PARD3B: variants seen among roughly 807,000 people sequenced by gnomAD.
PARD3B encodes par-3 family cell polarity regulator beta, also known as partitioning defective 3 homolog B.
In PARD3B, 103 loss-of-function variants were observed where a neutral mutation model predicts 130.2. The ratio of observed to expected loss-of-function variants is 0.79; its 90% CI spans 0.67 to 0.93. PARD3B has a LOEUF of 0.93. Ranked by LOEUF, PARD3B falls within the 40% of genes least tolerant of loss-of-function variation. PARD3B has a pLI of 0.00. For synonymous variants in PARD3B, 583 were observed against 553.2 expected (o/e 1.05, Z -0.76); for missense variants, 1,609 against 1,499.2 (o/e 1.07, Z -1.21).
At chr2:205,169,497 T>C (rs566902677) in intron 11 of PARD3B, among the ~76,000 whole-genome samples, 17 of 152,360 alleles carry the variant, frequency 1.1e-4, no homozygotes, top group Admixed American at 2.6e-4. Context: ...GTCTGTTATC[T>C]ACCTCTTCAC....
chr2:205,319,766 A>G (rs575244508), intron 18 of PARD3B, among the ~76,000 whole-genome samples: 1 of 152,346 alleles, frequency 6.6e-6, no homozygotes, highest in East Asian at 1.9e-4. Flanking sequence ...CCATTCTGGA[A>G]ATAGTAACTA....
At chr2:205,236,076 A>G in intron 15 of PARD3B, among the ~76,000 whole-genome samples, 1 of 152,240 alleles carries the variant, frequency 6.6e-6, no homozygotes, top group Non-Finnish European at 1.5e-5. Context: ...ATTATGCACA[A>G]TAAATTTGAC....
At chr2:204,717,340 A>G (rs1393895092) in intron 2 of PARD3B, among the ~76,000 whole-genome samples, 1 of 152,242 alleles carries the variant, frequency 6.6e-6, no homozygotes, top group East Asian at 1.9e-4. Flanking sequence ...AAAATTGTTA[A>G]TGACCCTCAT....
intron 1 of PARD3B, among the ~76,000 whole-genome samples, chr2:204,579,686 A>G: frequency 6.6e-6 from 1 of 152,240 alleles, no homozygotes; most frequent in Non-Finnish European, 1.5e-5. Context: ...GGTCAAGGCA[A>G]TCTGGAATCT....
chr2:205,563,035 T>G lies in PARD3B; in HGVS notation c.3260+9632T>G, dbSNP rs2053193514. On this transcript the variant is annotated intron_variant, in intron 22 of 22. Transcript: ENST00000406610. This position sits in a 1 kb window ranked among gnomAD's most constrained non-coding sequence, Gnocchi z 4.2. ...GCTTTATGATTATTTAAAATGACAT[T>G]ATATCACTGAAATACATAACCATCT... Among the ~76,000 whole-genome samples, 1 of 152,222 alleles carries G rather than the reference T, an allele frequency of 6.6e-6. No individual in the cohort carries two copies. The highest frequency in any genetic ancestry group is 1.5e-5 in the Non-Finnish European group (1 of 68,030).
At chr2:205,395,006 G>A (rs552028945) in intron 18 of PARD3B, among the ~76,000 whole-genome samples, 5 of 152,234 alleles carry the variant, frequency 3.3e-5, no homozygotes, top group East Asian at 1.9e-4. Flanking sequence ...TTTATGTTAC[G>A]TATATTTTAC....
intron 3 of PARD3B, among the ~76,000 whole-genome samples, chr2:205,017,809 T>A (rs1262279649): frequency 6.6e-6 from 1 of 152,146 alleles, no homozygotes; most frequent in Non-Finnish European, 1.5e-5. Flanking sequence ...ACTGGGTGAC[T>A]GGCAGAAAGA....
chr2:204,868,000 G>T (rs1376939881), intron 2 of PARD3B, among the ~76,000 whole-genome samples: 1 of 152,166 alleles, frequency 6.6e-6, no homozygotes, highest in Non-Finnish European at 1.5e-5. Context: ...GATTGATGGA[G>T]CAGGGTCTGA....
At position 204,920,036 on chromosome 2, in the gene PARD3B, T is replaced by C. The variant is rs147512892; in HGVS notation, c.223-45116T>C. Among the ~76,000 whole-genome samples, 770 of 152,190 alleles carry C rather than the reference T, an allele frequency of 5.1e-3. 9 individuals are homozygous for C. Among genetic ancestry groups the C allele is most frequent in the African/African-American group, 0.017 (696 of 41,546 alleles). On this transcript the variant is annotated intron_variant, in intron 2 of 22. Coordinates refer to ENST00000406610, the MANE Select transcript of PARD3B (RefSeq NM_001302769.2). The stretch of plus-strand genomic sequence containing the variant: ...TATAGTCATGTTAATTTGGAGACAA[T>C]AGAAAAATTTTTCCTCTTTCATGCA...
chr2:204,631,919 T>C (rs530701582), intron 1 of PARD3B, among the ~76,000 whole-genome samples: 1 of 152,338 alleles, frequency 6.6e-6, no homozygotes, highest in Admixed American at 6.5e-5. Context: ...ATGTTGAATT[T>C]TAAGTTTTTC....
intron 19 of PARD3B, among the ~76,000 whole-genome samples, chr2:205,425,867 T>C (rs776267683): frequency 3.3e-5 from 5 of 152,150 alleles, no homozygotes; most frequent in Non-Finnish European, 5.9e-5. Flanking sequence ...CTGCAAACCA[T>C]GAAGAATTCA....
rs552709179 is a variant in PARD3B at position 205,399,529 on chromosome 2, AT to A, written c.2631-1479del. Among the ~76,000 whole-genome samples the A allele has an allele frequency of 4.3e-3, 653 of 151,716 alleles. 2 individuals are homozygous for A. The highest frequency in any genetic ancestry group is 4.8e-3 in the Admixed American group (73 of 15,262). On this transcript the variant is annotated intron_variant, in intron 18 of 22. Transcript: ENST00000406610. ...ACCACGACGCCCGGCTAATTTTTGT[AT>A]TTTTAGTAGAGACAGGGTTTCACTA...
chr2:205,124,319 T>C lies in PARD3B; in HGVS notation c.1166-8T>C, dbSNP rs1279730187. On this transcript the variant is annotated splice_polypyrimidine_tract_variant and splice_region_variant and intron_variant, in intron 8 of 22. Coordinates refer to ENST00000406610, the MANE Select transcript of PARD3B (RefSeq NM_001302769.2). ...ATGACTATACATTTTCCTGTTCTTA[T>C]ACACTAGGCCCTGAAGGACTTGGTT... The C allele has an allele frequency of 2.0e-6, 3 of 1,527,570 alleles. No individual in the cohort carries two copies. Among genetic ancestry groups the C allele is most frequent in the Non-Finnish European group, 2.6e-6 (3 of 1,135,604 alleles). The allele number at this position is 1,527,570 out of a possible 1,614,324, so 94.6% of individuals were successfully genotyped here.
intron 1 of PARD3B, among the ~76,000 whole-genome samples, chr2:204,624,283 A>G (rs2034406489): frequency 6.6e-6 from 1 of 152,182 alleles, no homozygotes; most frequent in Non-Finnish European, 1.5e-5. Context: ...AAAAATCTCA[A>G]TGAAATATAA....
At chr2:205,157,504 GT>G (rs2034251104) in intron 10 of PARD3B, among the ~76,000 whole-genome samples, 1 of 152,122 alleles carries the variant, frequency 6.6e-6, no homozygotes, top group Non-Finnish European at 1.5e-5. Context: ...TTGGGGAGGG[GT>G]TGAAAATGCC....
chr2:204,610,974 G>A lies in PARD3B; in HGVS notation c.120+64855G>A, dbSNP rs966788002. On this transcript the variant is annotated intron_variant, in intron 1 of 22. Transcript: ENST00000406610. The surrounding 1 kb of genome is among the most constrained non-coding windows in gnomAD (Gnocchi z 4.1). ...TCCCAAACTGCATTTCCTGCTTTTC[G>A]AAATCATTTCTCTCATACCATCCCT... 3.3e-5 allele frequency among the ~76,000 whole-genome samples: 5 copies of A among 152,074 alleles called. No homozygotes were observed. Among genetic ancestry groups the A allele is most frequent in the African/African-American group, 2.4e-5 (1 of 41,398 alleles).
intron 22 of PARD3B, among the ~76,000 whole-genome samples, chr2:205,599,389 C>T (rs955609595): frequency 6.6e-6 from 1 of 152,206 alleles, no homozygotes; most frequent in African/African-American, 2.4e-5. Context: ...ACTGAATTCA[C>T]CTGTCTCCAG....
intron 20 of PARD3B, among the ~76,000 whole-genome samples, chr2:205,452,472 T>C (rs930183747): frequency 6.6e-6 from 1 of 152,204 alleles, no homozygotes; most frequent in African/African-American, 2.4e-5. Flanking sequence ...CAGTGATAAA[T>C]GCCATTTCCG....
intron 2 of PARD3B, among the ~76,000 whole-genome samples, chr2:204,934,656 C>T (rs887819670): frequency 6.6e-6 from 1 of 152,010 alleles, no homozygotes; most frequent in African/African-American, 2.4e-5. Context: ...TTTTCCAGAC[C>T]TTTTTTATTA....
Sources: allele counts gnomAD v4.1 joint callset (sites outside exome capture counted in the v4.1 genomes callset), GRCh38; gene constraint gnomAD v4.1.1; non-coding constraint Gnocchi (gnomAD v3.1); transcripts MANE v1.5; gene names NCBI Gene and HGNC (gene_info 2026-07-23, HGNC 2026-07-21).